The following MYO16 variants were observed in gnomAD, a reference collection of about 807,000 sequenced individuals.
MYO16 encodes the protein unconventional myosin-XVI.
A neutral mutation model predicts 205.3 loss-of-function variants in MYO16; 94 were observed. The observed-to-expected ratio is 0.46, with a 90% CI of 0.39 to 0.54. The LOEUF is 0.54. MYO16 is among the 20% of genes least tolerant of loss of function. The probability of loss-of-function intolerance (pLI) is 0.00; values close to 1 mark genes in which losing one functional copy is unlikely to be tolerated. For synonymous variants in MYO16, 988 were observed against 954.0 expected, an observed-to-expected ratio of 1.04 and a Z score of -0.66; for missense variants, 2,315 against 2,387.5, an observed-to-expected ratio of 0.97 and a Z score of 0.63.
the MYO16 span, among the ~76,000 whole-genome samples, chr13:108,516,331 G>A: frequency 4.0e-5 from 6 of 151,642 alleles, no homozygotes; most frequent in African/African-American, 1.2e-4. Context: ...GCCCTGCTTC[G>A]GCTCGCGCAC....
chr13:108,519,787 T>C, the MYO16 span, among the ~76,000 whole-genome samples: 1 of 152,098 alleles, frequency 6.6e-6, no homozygotes, highest in Non-Finnish European at 1.5e-5. Context: ...AAAGTAAATG[T>C]ACCCGGGAAT....
At chr13:108,693,608 A>G (rs577524914) in intron 2 of MYO16, among the ~76,000 whole-genome samples, 20 of 152,270 alleles carry the variant, frequency 1.3e-4, no homozygotes, top group African/African-American at 4.8e-4. Flanking sequence ...GATATAAAAA[A>G]CTTGGTTGAT....
At chr13:109,094,899 C>A (rs1888730717) in intron 27 of MYO16, among the ~76,000 whole-genome samples, 1 of 151,690 alleles carries the variant, frequency 6.6e-6, no homozygotes, top group South Asian at 2.1e-4. Flanking sequence ...CAGACTATCA[C>A]TGATGGGCAT....
intron 32 of MYO16, among the ~76,000 whole-genome samples, chr13:109,160,677 T>G (rs777110643): frequency 2.7e-4 from 41 of 152,338 alleles, no homozygotes; most frequent in Non-Finnish European, 4.7e-4. Flanking sequence ...TTAACTAAAT[T>G]CACTGAGAGT....
chr13:108,768,052 G>A (rs1212508700), intron 4 of MYO16, among the ~76,000 whole-genome samples: 2 of 152,158 alleles, frequency 1.3e-5, no homozygotes, highest in Non-Finnish European at 2.9e-5. Context: ...ATAGAGTGAA[G>A]TGATCTGCTC....
rs138419721 is a variant in MYO16 at position 108,754,490 on chromosome 13, T to G, written c.507+26907T>G. On this transcript the variant is annotated intron_variant, in intron 4 of 34. Transcript: ENST00000457511. ...ACTGAACAACATTTTTGAGCATGAA[T>G]AAAACTGCTAGTTACAGGTTTTGGC... is the stretch of plus-strand genomic sequence containing the variant. 5.9e-5 allele frequency among the ~76,000 whole-genome samples: 9 copies of G among 151,990 alleles called. No individual in the cohort carries two copies. In the East Asian group the frequency reaches 1.7e-3, roughly 29 times the overall value.
At chr13:108,969,667 C>T (rs1380146133) in intron 20 of MYO16, among the ~76,000 whole-genome samples, 2 of 152,210 alleles carry the variant, frequency 1.3e-5, no homozygotes, top group African/African-American at 4.8e-5. Context: ...GTTGCCAGGG[C>T]TTCTTTTACA....
intron 9 of MYO16, among the ~76,000 whole-genome samples, chr13:108,834,126 T>C: frequency 6.6e-6 from 1 of 152,160 alleles, no homozygotes; most frequent in East Asian, 1.9e-4. Flanking sequence ...AAGACTTTAC[T>C]AAAAACTATT....
At chr13:108,662,207 G>A (rs189595389) in intron 1 of MYO16, among the ~76,000 whole-genome samples, 51 of 152,318 alleles carry the variant, frequency 3.3e-4, no homozygotes, top group East Asian at 9.7e-4. Context: ...GCAGTGGACT[G>A]CATAAGTGTC....
chr13:109,019,756 A>G lies in MYO16; in HGVS notation c.2641A>G (p.Ile881Val). 1 of 1,614,126 alleles carries G rather than the reference A, an allele frequency of 6.2e-7. No homozygotes were observed. The highest frequency in any genetic ancestry group is 8.5e-7 in the Non-Finnish European group (1 of 1,180,004). ...CTTATTGGATGAAGAAAGTCAAATG[A>G]TTTGGTCAGTGGAATCAAATTTTCC... ...LTLLDEESQM[I>V]WSVESNFPKK... The change falls in exon 23 of 35, where the codon ATT (isoleucine) becomes GTT (valine). Residue 881 changes from isoleucine (I) to valine (V), a missense_variant. By Grantham distance (29) the Ile-to-Val change is conservative. This residue lies in a region of MYO16 where 1,213 missense variants were observed against 1,274.4 expected (regional missense o/e 0.95). Coordinates refer to ENST00000457511, the MANE Select transcript of MYO16 (RefSeq NM_001198950.3).
At chr13:109,017,218 T>G (rs1307809756) in intron 22 of MYO16, among the ~76,000 whole-genome samples, 1 of 152,198 alleles carries the variant, frequency 6.6e-6, no homozygotes, top group Non-Finnish European at 1.5e-5. Flanking sequence ...TCTCCTTCAT[T>G]TATGAAGCTT....
chr13:108,871,781 C>G (rs1018863736), intron 12 of MYO16, among the ~76,000 whole-genome samples: 1 of 152,152 alleles, frequency 6.6e-6, no homozygotes, highest in Non-Finnish European at 1.5e-5. Flanking sequence ...GCACTGTGTG[C>G]TGGGAGGAGG....
At chr13:108,833,933 T>C (rs1054474521) in intron 9 of MYO16, among the ~76,000 whole-genome samples, 2 of 152,178 alleles carry the variant, frequency 1.3e-5, no homozygotes, top group African/African-American at 2.4e-5. Context: ...GAAAATATAC[T>C]CTCTCATTTC....
intron 27 of MYO16, among the ~76,000 whole-genome samples, chr13:109,078,163 C>T (rs192028173): frequency 6.6e-6 from 1 of 151,894 alleles, no homozygotes; most frequent in Non-Finnish European, 1.5e-5. Context: ...GGTGCAGTGG[C>T]TCACGCCTGT....
chr13:109,085,892 G>T (rs1041727281), intron 27 of MYO16, among the ~76,000 whole-genome samples: 4 of 152,124 alleles, frequency 2.6e-5, no homozygotes, highest in Non-Finnish European at 5.9e-5. Context: ...AATGTGTGAC[G>T]GAGAGAAACT....
intron 24 of MYO16, chr13:109,048,242 A>G: frequency 1.6e-6 from 1 of 626,296 alleles, no homozygotes; most frequent in Non-Finnish European, 2.9e-6. Flanking sequence ...GCTTATCTTA[A>G]TAGAGTCCCT....
At chr13:108,503,448 T>TTG in the MYO16 span, among the ~76,000 whole-genome samples, 11 of 151,910 alleles carry the variant, frequency 7.2e-5, no homozygotes, top group Admixed American at 7.2e-4. Context: ...CAAAAAAGTT[T>TTG]TTTTTTTTTA....
chr13:108,773,934 A>G (rs997971729), intron 4 of MYO16, among the ~76,000 whole-genome samples: 10 of 152,154 alleles, frequency 6.6e-5, no homozygotes, highest in African/African-American at 2.4e-4. Context: ...CTACTAAAAA[A>G]TACAAAAATT....
intron 12 of MYO16, among the ~76,000 whole-genome samples, chr13:108,876,876 C>T (rs1408364039): frequency 3.3e-5 from 5 of 152,028 alleles, no homozygotes; most frequent in South Asian, 2.1e-4. Flanking sequence ...CCAAGTTAGC[C>T]GGGATGGTCT....
Sources: gnomAD v4.1 joint callset for allele counts (sites outside exome capture counted in the v4.1 genomes callset) on GRCh38, gnomAD v4.1.1 for gene constraint, gnomAD v4.1.1 regional missense constraint, MANE v1.5 for transcripts, NCBI Gene and HGNC (gene_info 2026-07-23, HGNC 2026-07-21) for gene names.